Variants in BRINP3 observed in about 807,000 individuals in gnomAD.
The protein encoded by BRINP3 is BMP/retinoic acid inducible neural specific 3.
In BRINP3, 19 loss-of-function variants were observed where a neutral mutation model predicts 71.0. That is an observed-to-expected ratio of 0.27 (90% CI 0.19 to 0.39). The LOEUF (loss-of-function observed/expected upper bound fraction) is 0.39. Ranked by LOEUF, BRINP3 falls within the 10% of genes least tolerant of loss-of-function variation. The pLI is 1.00. For synonymous variants in BRINP3, 380 were observed against 337.7 expected (o/e 1.13, Z -1.37); for missense variants, 959 against 940.8 (o/e 1.02, Z -0.25).
intron 2 of BRINP3, among the ~76,000 whole-genome samples, chr1:190,328,819 T>C (rs951107228): frequency 3.3e-5 from 5 of 151,122 alleles, no homozygotes; most frequent in African/African-American, 9.7e-5. Flanking sequence ...ACACATGAAA[T>C]TCACAACAAT....
At chr1:190,111,314 T>C (rs1273573414) in intron 7 of BRINP3, among the ~76,000 whole-genome samples, 2 of 151,956 alleles carry the variant, frequency 1.3e-5, no homozygotes, top group African/African-American at 2.4e-5. Flanking sequence ...CTTTTTTTAA[T>C]TAGTAGGTCA....
At chr1:190,187,150 G>A (rs1223641017) in intron 6 of BRINP3, among the ~76,000 whole-genome samples, 1 of 152,082 alleles carries the variant, frequency 6.6e-6, no homozygotes, top group Non-Finnish European at 1.5e-5. Flanking sequence ...TAATTCATAT[G>A]CCTATTGGCC....
At position 190,441,066 on chromosome 1, in the gene BRINP3, G is replaced by A. The variant is rs570844440; in HGVS notation, c.236+13589C>T. ...CTAAACTAATAGAGCAACAAGATCA[G>A]TCAGTATTCTGTAAAATACTTGAAT... On this transcript the variant is annotated intron_variant, in intron 2 of 7. Transcript: ENST00000367462. 1.1e-4 allele frequency among the ~76,000 whole-genome samples: 16 copies of A among 151,964 alleles called. No homozygotes were observed. In the East Asian group the frequency reaches 1.7e-3, roughly 17 times the overall value.
At chr1:190,437,412 C>T (rs2102538916) in intron 2 of BRINP3, among the ~76,000 whole-genome samples, 1 of 151,968 alleles carries the variant, frequency 6.6e-6, no homozygotes, top group African/African-American at 2.4e-5. Flanking sequence ...AATAACTTCA[C>T]TTAATCCTTC....
intron 6 of BRINP3, among the ~76,000 whole-genome samples, chr1:190,214,318 A>G (rs1656226529): frequency 6.6e-6 from 1 of 152,068 alleles, no homozygotes; most frequent in African/African-American, 2.4e-5. Flanking sequence ...ATCAAAAGAA[A>G]CTATATCTGG....
chr1:190,365,590 ATAT>A (rs201103131), intron 2 of BRINP3, among the ~76,000 whole-genome samples: 2,372 of 146,694 alleles, frequency 0.016, 57 homozygotes, highest in African/African-American at 0.054. Context: ...TATTAATTTA[ATAT>A]TATAACAATT....
chr1:190,379,468 T>A (rs1416938974), intron 2 of BRINP3, among the ~76,000 whole-genome samples: 1 of 152,128 alleles, frequency 6.6e-6, no homozygotes, highest in Non-Finnish European at 1.5e-5. Flanking sequence ...TAGGAGATTC[T>A]ATTTTGGATA....
At chr1:190,469,304 A>G (rs985601263) in intron 1 of BRINP3, among the ~76,000 whole-genome samples, 2 of 151,000 alleles carry the variant, frequency 1.3e-5, no homozygotes, top group African/African-American at 2.4e-5. Flanking sequence ...GTGTCTTTAT[A>G]TATTAGTGAA....
intron 2 of BRINP3, among the ~76,000 whole-genome samples, chr1:190,453,614 A>C (rs1675797545): frequency 6.6e-6 from 1 of 152,146 alleles, no homozygotes; most frequent in African/African-American, 2.4e-5. Flanking sequence ...ATTTTTGAGA[A>C]GGCAAAGCAA....
chr1:190,219,928 T>C (rs1354459298), intron 6 of BRINP3, among the ~76,000 whole-genome samples: 2 of 150,834 alleles, frequency 1.3e-5, no homozygotes, highest in Non-Finnish European at 3.0e-5. Context: ...ATGAAAAACA[T>C]GAAAAGGAAC....
At chr1:190,107,363 T>A (rs1652263846) in intron 7 of BRINP3, among the ~76,000 whole-genome samples, 1 of 151,924 alleles carries the variant, frequency 6.6e-6, no homozygotes. Flanking sequence ...ATATGTCATG[T>A]ACAATTTCAA....
At chr1:190,347,273 T>G (rs1161700809) in intron 2 of BRINP3, among the ~76,000 whole-genome samples, 1 of 152,104 alleles carries the variant, frequency 6.6e-6, no homozygotes, top group Admixed American at 6.6e-5. Context: ...CCCCAGTAGC[T>G]GGGACTTCAG....
chr1:190,203,165 AGAGT>A (rs1655157746), intron 6 of BRINP3, among the ~76,000 whole-genome samples: 1 of 152,114 alleles, frequency 6.6e-6, no homozygotes, highest in South Asian at 2.1e-4. Context: ...TCTTTCACAA[AGAGT>A]AAGTAAGACA....
chr1:190,376,125 T>G (rs1018341547), intron 2 of BRINP3, among the ~76,000 whole-genome samples: 1 of 151,910 alleles, frequency 6.6e-6, no homozygotes, highest in Non-Finnish European at 1.5e-5. Context: ...TTCTGCCTCT[T>G]CAGGGTTTAG....
At chr1:190,124,875 G>A (rs1009362832) in intron 7 of BRINP3, among the ~76,000 whole-genome samples, 2 of 152,010 alleles carry the variant, frequency 1.3e-5, no homozygotes, top group African/African-American at 4.8e-5. Context: ...AATCTTTACA[G>A]ATACAAATCA....
intron 2 of BRINP3, among the ~76,000 whole-genome samples, chr1:190,436,501 C>T (rs971468431): frequency 6.6e-6 from 1 of 151,078 alleles, no homozygotes; most frequent in Non-Finnish European, 1.5e-5. Flanking sequence ...TTATAAGATC[C>T]AAAAAAAGAG....
At position 190,099,105 on chromosome 1, in the gene BRINP3, T is replaced by C. The variant is rs1161005936; in HGVS notation, c.1214A>G (p.Gln405Arg). The change falls in exon 8 of 8, where the codon CAG becomes CGG. Residue 405 changes from glutamine (Q) to arginine (R), a missense_variant. Gln to Arg is a conservative substitution (Grantham distance 43). Transcript: ENST00000367462. Reference protein sequence around the residue: ...RTSTYWLTRIQSFLYCNENGL... With the variant: ...RTSTYWLTRIRSFLYCNENGL... The stretch of plus-strand genomic sequence containing the variant: ...GTTCTCATTGCAGTAGAGAAAAGAC[T>C]GGATGCGAGTAAGCCAGTAGGTTGA... 6.2e-7 allele frequency: 1 copy of C among 1,614,012 alleles called. No individual in the cohort carries two copies. Among genetic ancestry groups the C allele is most frequent in the Admixed American group, 1.7e-5 (1 of 60,010 alleles).
chr1:190,470,762 C>T (rs1279010979), intron 1 of BRINP3, among the ~76,000 whole-genome samples: 1 of 150,976 alleles, frequency 6.6e-6, no homozygotes, highest in African/African-American at 2.4e-5. Flanking sequence ...AATTTGAACA[C>T]AAACATGTAT....
At chr1:190,411,377 A>G (rs1672654035) in intron 2 of BRINP3, among the ~76,000 whole-genome samples, 1 of 152,176 alleles carries the variant, frequency 6.6e-6, no homozygotes, top group African/African-American at 2.4e-5. Flanking sequence ...TAACCTTAGG[A>G]TCATGAAACA....
Sources: gnomAD v4.1 joint callset for allele counts (sites outside exome capture counted in the v4.1 genomes callset) on GRCh38, gnomAD v4.1.1 for gene constraint, MANE v1.5 for transcripts, NCBI Gene and HGNC (gene_info 2026-07-23, HGNC 2026-07-21) for gene names.